AMH: variants seen among roughly 807,000 people sequenced by gnomAD.
The protein encoded by AMH is anti-Mullerian hormone.
AMH carries 39 observed loss-of-function variants against 33.3 expected under a neutral mutation model. The ratio of observed to expected loss-of-function variants is 1.17; its 90% CI spans 0.91 to 1.53. The LOEUF (loss-of-function observed/expected upper bound fraction) is 1.53, where lower values mean the gene tolerates loss of function less well. Ranked by LOEUF, AMH falls within the 40% of genes most tolerant of loss-of-function variation. The pLI is 0.00. For synonymous variants in AMH, 536 were observed against 403.0 expected (o/e 1.33, Z -3.95); for missense variants, 1,019 against 799.8 (o/e 1.27, Z -3.30).
At chr19:2,250,101 C>T (rs1256241502) in intron 1 of AMH, 17 of 671,444 alleles carry the variant, frequency 2.5e-5, no homozygotes, top group South Asian at 9.2e-5. Flanking sequence ...GGGGCTTCAT[C>T]GGGCACCCCA....
In AMH at chr19:2,250,878, G is replaced by A; in HGVS notation, c.694G>A (p.Ala232Thr). The A allele has an allele frequency of 2.5e-6, 4 of 1,574,990 alleles. No individual in the cohort carries two copies. Among genetic ancestry groups the A allele is most frequent in the Middle Eastern group, 2.0e-4 (1 of 4,938 alleles). Residue 232 changes from alanine (A) to threonine (T), a missense_variant, in exon 4 of 5, where the codon GCA becomes ACA. Coordinates refer to ENST00000221496, the MANE Select transcript of AMH (RefSeq NM_000479.5). ...DSRLSTARLQALLFGDDHRCF... is the reference protein window; with the variant it reads ...DSRLSTARLQTLLFGDDHRCF... ...CCGGCTGAGTACCGCCCGGCTGCAGGCACTGCTGTTCGGCGACGACCACCG... is the reference window on the plus strand; with the variant it reads ...CCGGCTGAGTACCGCCCGGCTGCAGACACTGCTGTTCGGCGACGACCACCG...
chr19:2,250,310 A>C, intron 1 of AMH, 27 bp from the exon 2 acceptor site: 5 of 1,582,196 alleles, frequency 3.2e-6, no homozygotes, highest in Non-Finnish European at 4.3e-6. Context: ...TCAATGGCTC[A>C]GGCGTCCCCT....
chr19:2,251,793 G>A lies in AMH; in HGVS notation c.1519G>A (p.Val507Met). 1.2e-6 allele frequency: 2 copies of A among 1,609,510 alleles called. No individual in the cohort carries two copies. The highest frequency in any genetic ancestry group is 1.7e-6 in the Non-Finnish European group (2 of 1,179,454). The change falls in exon 5 of 5, where the codon GTG becomes ATG. Residue 507 changes from valine (V) to methionine (M), a missense_variant. Transcript: ENST00000221496. ...SDRNPRYGNH[V>M]VLLLKMQVRG... ...CCGCAACCCGCGCTACGGCAACCAC[G>A]TGGTGCTGCTGCTGAAGATGCAGGT...
In AMH at chr19:2,251,175, C is replaced by T; in HGVS notation, c.901C>T (p.Leu301=). The change falls in exon 5 of 5, where the codon CTG becomes TTG. Residue 301 remains leucine, a synonymous_variant. Transcript: ENST00000221496. ...LETLTRLVRA[L]RVPPARASAP... is the part of the protein sequence containing the mutation. ...GACGCTCACGCGCCTGGTGCGGGCG[C>T]TGCGGGTCCCCCCGGCCCGGGCCTC... 2 of 1,514,192 alleles carry T rather than the reference C, an allele frequency of 1.3e-6. No individual in the cohort carries two copies. The highest frequency in any genetic ancestry group is 1.8e-6 in the Non-Finnish European group (2 of 1,137,872). 93.8% of individuals were successfully genotyped at this position (1,514,192 alleles called of 1,614,324 possible). A position where few individuals can be genotyped will look rare whatever the true frequency, so the allele number is the denominator to read the frequency against.
rs1309317968 is a variant in AMH, at chr19:2,251,661, G to A, written c.1387G>A (p.Ala463Thr). The A allele has an allele frequency of 5.6e-6, 9 of 1,605,084 alleles. No homozygotes were observed. Among genetic ancestry groups the A allele is most frequent in the African/African-American group, 5.4e-5 (4 of 73,992 alleles). ...GGCCACCGCCGCCGACGGGCCGTGCGCGCTGCGCGAGCTCAGCGTAGACCT... is the reference window on the plus strand; with the variant it reads ...GGCCACCGCCGCCGACGGGCCGTGCACGCTGCGCGAGCTCAGCGTAGACCT... The part of the protein sequence containing the change: ...AGATAADGPC[A>T]LRELSVDLRA... Residue 463 changes from alanine (A) to threonine (T), a missense_variant, in exon 5 of 5, where the codon GCG becomes ACG. By Grantham distance (58) the Ala-to-Thr change is moderately conservative. Coordinates refer to ENST00000221496, the MANE Select transcript of AMH (RefSeq NM_000479.5).
chr19:2,250,707 CG>C lies in AMH; in HGVS notation c.616del (p.Ala206ProfsTer9). The stretch of plus-strand genomic sequence containing the variant: ...CTGGTGTTAGCGGTGGACCGCCCTG[CG>C]GGGGCCTGGCGCGGCTCCGGGCTGG... ...RYLVLAVDRP[A>X]GAWRGSGLAL... On this transcript the variant is annotated frameshift_variant, in exon 3 of 5. Coordinates refer to ENST00000221496, the MANE Select transcript of AMH (RefSeq NM_000479.5). LOFTEE classifies it high-confidence loss of function. 1.3e-6 allele frequency: 2 copies of C among 1,539,098 alleles called. No homozygotes were observed.
In AMH at chr19:2,249,389, G is replaced by A. The variant is rs1440713146; in HGVS notation, c.57G>A (p.Leu19=). 8 of 1,590,044 alleles carry A rather than the reference G, an allele frequency of 5.0e-6. No individual in the cohort carries two copies. Among genetic ancestry groups the A allele is most frequent in the Non-Finnish European group, 6.8e-6 (8 of 1,169,254 alleles). ...TAGTGCTGTCTGCCCTGGGGGCTCTGCTGGGGACTGAGGCCCTCAGAGCAG... is the reference window on the plus strand; with the variant it reads ...TAGTGCTGTCTGCCCTGGGGGCTCTACTGGGGACTGAGGCCCTCAGAGCAG... ...LALVLSALGA[L]LGTEALRAEE... is the part of the protein sequence containing the mutation. Residue 19 remains leucine, a synonymous_variant, in exon 1 of 5, where the codon CTG becomes CTA. Coordinates refer to ENST00000221496, the MANE Select transcript of AMH (RefSeq NM_000479.5).
rs1480658898 is a variant in AMH, at chr19:2,251,741, G to A, written c.1467G>A (p.Gln489=). ...AGACCTACCAGGCCAACAATTGCCA[G>A]GGCGTGTGCGGCTGGCCTCAGTCCG... The part of the protein sequence containing the change: ...IPETYQANNC[Q]GVCGWPQSDR... The change falls in exon 5 of 5, where the codon CAG becomes CAA. Residue 489 remains glutamine (Q), a synonymous_variant. Transcript: ENST00000221496. 1 of 1,611,742 alleles carries A rather than the reference G, an allele frequency of 6.2e-7. No individual in the cohort carries two copies. The highest frequency in any genetic ancestry group is 8.5e-7 in the Non-Finnish European group (1 of 1,179,616).
At chr19:2,250,307 C>T in intron 1 of AMH, 30 bp from the exon 2 acceptor site, 5 of 1,579,152 alleles carry the variant, frequency 3.2e-6, no homozygotes, top group Non-Finnish European at 3.4e-6. Flanking sequence ...CCTTCAATGG[C>T]TCAGGCGTCC....
rs1568395357 is a variant in AMH, at chr19:2,251,982, C to T, written c.*25C>T. On this transcript the variant is annotated 3_prime_UTR_variant, in exon 5 of 5. Transcript: ENST00000221496. ...ACCCCTGCGCCGCGCGGACTCCTGC[C>T]CCGAGGGTCCGGACGCGCCCCAGCT... 3 of 1,534,560 alleles carry T rather than the reference C, an allele frequency of 2.0e-6. No individual in the cohort carries two copies. Among genetic ancestry groups the T allele is most frequent in the African/African-American group, 2.7e-5 (2 of 72,952 alleles).
At position 2,251,910 on chromosome 19, in the gene AMH, G is replaced by A. The variant is rs777178028; in HGVS notation, c.1636G>A (p.Ala546Thr). ...CAGCCTGTCGGAGGAGCGCATCAGC[G>A]CGCACCACGTGCCCAACATGGTGGC... is the stretch of plus-strand genomic sequence containing the variant. ...LISLSEERIS[A>T]HHVPNMVATE... Residue 546 changes from alanine (A) to threonine (T), a missense_variant, in exon 5 of 5, where the codon GCG becomes ACG. Transcript: ENST00000221496. 5.8e-6 allele frequency: 9 copies of A among 1,561,846 alleles called. No homozygotes were observed. In the East Asian group the frequency reaches 1.4e-4, roughly 25 times the overall value.
At position 2,251,575 on chromosome 19, in the gene AMH, T is replaced by C. The variant is rs1190576144; in HGVS notation, c.1301T>C (p.Leu434Pro). ...CTGCTCCTGAAGGCGCTGCAGGGCCTGCGCGTGGAGTGGCGCGGGCGGGAT... is the reference window on the plus strand; with the variant it reads ...CTGCTCCTGAAGGCGCTGCAGGGCCCGCGCGTGGAGTGGCGCGGGCGGGAT... Reference protein sequence around the residue: ...ALLLLKALQGLRVEWRGRDPR... With the variant: ...ALLLLKALQGPRVEWRGRDPR... Residue 434 changes from leucine to proline, a missense_variant, in exon 5 of 5, where the codon CTG becomes CCG. Transcript: ENST00000221496. The C allele has an allele frequency of 7.7e-7, 1 of 1,300,112 alleles. No homozygotes were observed. The highest frequency in any genetic ancestry group is 1.6e-5 in the African/African-American group (1 of 64,236). 80.5% of individuals were successfully genotyped at this position (1,300,112 alleles called of 1,614,324 possible). A position where few individuals can be genotyped will look rare whatever the true frequency, so the allele number is the denominator to read the frequency against.
rs1466633500 is a variant in AMH at position 2,250,429 on chromosome 19, G to A, written c.505G>A (p.Gly169Arg). ...PELALLVLYP[G>R]PGPEVTVTRA... is the part of the protein sequence containing the mutation. ...GCTGGCGCTGCTGGTGCTGTACCCT[G>A]GGCCTGGCCCTGAGGTCACTGTGAC... Residue 169 changes from glycine to arginine, a missense_variant, in exon 2 of 5, where the codon GGG becomes AGG. Coordinates refer to ENST00000221496, the MANE Select transcript of AMH (RefSeq NM_000479.5). 6.4e-7 allele frequency: 1 copy of A among 1,560,160 alleles called. No individual in the cohort carries two copies. Among genetic ancestry groups the A allele is most frequent in the Non-Finnish European group, 8.7e-7 (1 of 1,153,248 alleles).
At position 2,250,831 on chromosome 19, in the gene AMH, C is replaced by T; in HGVS notation, c.665-18C>T. On this transcript the variant is annotated intron_variant, in intron 3 of 4. Transcript: ENST00000221496. ...GGGCCCCCAGCCCCTGAGCCAGCCG[C>T]GTGCCCACCCACCGCAGACTCCCGG... 1 of 1,552,498 alleles carries T rather than the reference C, an allele frequency of 6.4e-7. No individual in the cohort carries two copies. The highest frequency in any genetic ancestry group is 8.6e-7 in the Non-Finnish European group (1 of 1,156,984).
Position 2,249,415 on chromosome 19 carries a change from A to G in AMH, c.83A>G (p.Glu28Gly). The change falls in exon 1 of 5, where the codon GAG becomes GGG. Residue 28 changes from glutamate to glycine, a missense_variant. Physicochemically the swap from Glu to Gly is moderately conservative, Grantham distance 98. Transcript: ENST00000221496. ...ALLGTEALRA[E>G]EPAVGTSGLI... ...CTGGGGACTGAGGCCCTCAGAGCAG[A>G]GGAGCCAGCTGTGGGCACCAGTGGC... 6.3e-7 allele frequency: 1 copy of G among 1,597,224 alleles called. No homozygotes were observed. The highest frequency in any genetic ancestry group is 8.5e-7 in the Non-Finnish European group (1 of 1,172,728).
Position 2,250,331 on chromosome 19 carries a change from C to G in AMH, c.413-6C>G. The G allele has an allele frequency of 1.3e-6, 2 of 1,594,350 alleles. No individual in the cohort carries two copies. Among genetic ancestry groups the G allele is most frequent in the Non-Finnish European group, 1.7e-6 (2 of 1,174,958 alleles). The stretch of plus-strand genomic sequence containing the variant: ...GCTCAGGCGTCCCCTGCTGTCCCGG[C>G]TGCAGTGACCTGGGAGCCAACACCC... On this transcript the variant is annotated splice_polypyrimidine_tract_variant and splice_region_variant and intron_variant, in intron 1 of 4. Transcript: ENST00000221496.
chr19:2,251,728 C>T lies in AMH; in HGVS notation c.1454C>T (p.Ala485Val), dbSNP rs1377488349. ...RSVLIPETYQ[A>V]NNCQGVCGWP... ...GTACTCATCCCCGAGACCTACCAGG[C>T]CAACAATTGCCAGGGCGTGTGCGGC... is the stretch of plus-strand genomic sequence containing the variant. The change falls in exon 5 of 5, where the codon GCC becomes GTC. Residue 485 changes from alanine (A) to valine (V), a missense_variant. Ala to Val is a moderately conservative substitution (Grantham distance 64). Transcript: ENST00000221496. 1 of 1,611,854 alleles carries T rather than the reference C, an allele frequency of 6.2e-7. No individual in the cohort carries two copies. Among genetic ancestry groups the T allele is most frequent in the East Asian group, 2.2e-5 (1 of 44,858 alleles).
chr19:2,249,588 G>T lies in AMH; in HGVS notation c.256G>T (p.Ala86Ser). 3 of 1,563,740 alleles carry T rather than the reference G, an allele frequency of 1.9e-6. No homozygotes were observed. Among genetic ancestry groups the T allele is most frequent in the Admixed American group, 1.9e-5 (1 of 53,714 alleles). ...CGCCTATGAGCAGGCCTTCCTGGGG[G>T]CCGTGCAGAGGGCCCGCTGGGGCCC... is the stretch of plus-strand genomic sequence containing the variant. ...LSAYEQAFLG[A>S]VQRARWGPRD... Residue 86 changes from alanine (A) to serine (S), a missense_variant, in exon 1 of 5, where the codon GCC becomes TCC. Ala to Ser is a moderately conservative substitution (Grantham distance 99). Transcript: ENST00000221496.
Position 2,251,928 on chromosome 19 carries a change from A to G in AMH, c.1654A>G (p.Met552Val). ...ERISAHHVPN[M>V]VATECGCR ...CATCAGCGCGCACCACGTGCCCAAC[A>G]TGGTGGCCACCGAGTGTGGCTGCCG... The change falls in exon 5 of 5, where the codon ATG becomes GTG. Residue 552 changes from methionine to valine, a missense_variant. Transcript: ENST00000221496. 1.3e-6 allele frequency: 2 copies of G among 1,554,368 alleles called. No individual in the cohort carries two copies. The highest frequency in any genetic ancestry group is 3.7e-5 in the Admixed American group (2 of 53,860).
Sources: gnomAD v4.1 joint callset for allele counts on GRCh38, gnomAD v4.1.1 for gene constraint, MANE v1.5 for transcripts, NCBI Gene and HGNC (gene_info 2026-07-23, HGNC 2026-07-21) for gene names.